The following COL5A2 variants were observed in gnomAD, a reference collection of about 807,000 sequenced individuals.
The protein encoded by COL5A2 is collagen type V alpha 2 chain.
In COL5A2, 23 loss-of-function variants were observed where a neutral mutation model predicts 208.2. The ratio of observed to expected loss-of-function variants is 0.11; its 90% confidence interval spans 0.08 to 0.16. The LOEUF (loss-of-function observed/expected upper bound fraction) is 0.16. Ranked by LOEUF, COL5A2 falls within the 10% of genes least tolerant of loss-of-function variation. COL5A2 has a pLI of 1.00. For synonymous variants in COL5A2, 625 were observed against 628.5 expected (o/e 0.99, Z 0.08); for missense variants, 1,590 against 1,956.4 (o/e 0.81, Z 3.53).
chr2:189,269,949 T>A, the COL5A2 span, among the ~76,000 whole-genome samples: 2 of 152,224 alleles, frequency 1.3e-5, no homozygotes, highest in African/African-American at 4.8e-5. Flanking sequence ...AACTTCTTCC[T>A]GGTTTAGACT....
At chr2:189,400,566 A>C in the COL5A2 span, among the ~76,000 whole-genome samples, 10 of 152,306 alleles carry the variant, frequency 6.6e-5, no homozygotes, top group Admixed American at 2.0e-4. Context: ...TGTTAACAGA[A>C]GTATCTGGAT....
At chr2:189,339,754 C>T in the COL5A2 span, among the ~76,000 whole-genome samples, 56 of 152,250 alleles carry the variant, frequency 3.7e-4, 1 homozygote, top group African/African-American at 1.2e-3. Context: ...TAGGCAATCA[C>T]GACAGGTGTG....
chr2:189,143,157 A>G (rs566518492), intron 1 of COL5A2, among the ~76,000 whole-genome samples: 1 of 152,200 alleles, frequency 6.6e-6, no homozygotes, highest in Non-Finnish European at 1.5e-5. Context: ...GGGCTGTTGT[A>G]TATTGTTTGC....
intron 23 of COL5A2, among the ~76,000 whole-genome samples, chr2:189,065,506 A>G (rs1417964167): frequency 6.6e-6 from 1 of 152,028 alleles, no homozygotes; most frequent in Non-Finnish European, 1.5e-5. Context: ...TCCAGCCTGG[A>G]CAACACAGCA....
At chr2:189,217,009 GACA>G (rs1689287597) in intron 1 of COL5A2, among the ~76,000 whole-genome samples, 1 of 152,016 alleles carries the variant, frequency 6.6e-6, no homozygotes, top group South Asian at 2.1e-4. Context: ...GGGGGAAAGT[GACA>G]ACAAGCATCG....
intron 18 of COL5A2, among the ~76,000 whole-genome samples, chr2:189,071,550 G>A (rs1686274502): frequency 6.6e-6 from 1 of 152,102 alleles, no homozygotes; most frequent in Non-Finnish European, 1.5e-5. Context: ...CTCCTTTAAT[G>A]GCTTCATAGA....
chr2:189,231,491 T>C, the COL5A2 span, among the ~76,000 whole-genome samples: 2 of 151,638 alleles, frequency 1.3e-5, no homozygotes, highest in Non-Finnish European at 2.9e-5. Flanking sequence ...TCTCTAAAAA[T>C]GTTTTACACT....
intron 1 of COL5A2, among the ~76,000 whole-genome samples, chr2:189,207,348 T>A (rs1324186185): frequency 6.6e-6 from 1 of 152,188 alleles, no homozygotes; most frequent in Non-Finnish European, 1.5e-5. Flanking sequence ...CAAAATTATG[T>A]CAAAAATAAC....
intron 1 of COL5A2, among the ~76,000 whole-genome samples, chr2:189,216,777 A>C (rs2105873885): frequency 6.6e-6 from 1 of 152,284 alleles, no homozygotes; most frequent in East Asian, 1.9e-4. Flanking sequence ...TAACTAAATA[A>C]GTTTAATAAC....
chr2:189,222,820 C>T (rs938341773), intron 1 of COL5A2, among the ~76,000 whole-genome samples: 2 of 152,116 alleles, frequency 1.3e-5, no homozygotes, highest in Non-Finnish European at 2.9e-5. Context: ...AACAGTATAA[C>T]TCTGTTACAG....
chr2:189,396,671 T>TA, the COL5A2 span, among the ~76,000 whole-genome samples: 209 of 102,386 alleles, frequency 2.0e-3, 1 homozygote, highest in African/African-American at 7.7e-3. Context: ...AAGACTCCAT[T>TA]AAAAAAAAAA....
the COL5A2 span, among the ~76,000 whole-genome samples, chr2:189,388,601 T>C: frequency 6.6e-6 from 1 of 152,188 alleles, no homozygotes; most frequent in African/African-American, 2.4e-5. Flanking sequence ...AGTGTGACAT[T>C]GTGTGATTTG....
the COL5A2 span, among the ~76,000 whole-genome samples, chr2:189,416,883 G>T: frequency 1.3e-4 from 20 of 151,872 alleles, no homozygotes; most frequent in Admixed American, 1.1e-3. Flanking sequence ...GTTGTTTAGG[G>T]GACTTTTGTT....
At chr2:189,138,937 T>C (rs1687878647) in intron 1 of COL5A2, among the ~76,000 whole-genome samples, 1 of 152,190 alleles carries the variant, frequency 6.6e-6, no homozygotes, top group South Asian at 2.1e-4. Flanking sequence ...CTATGCAGAA[T>C]TGCAAATGAT....
chr2:189,144,731 T>A (rs1688005572), intron 1 of COL5A2, among the ~76,000 whole-genome samples: 1 of 152,096 alleles, frequency 6.6e-6, no homozygotes, highest in African/African-American at 2.4e-5. Flanking sequence ...CCAGATGCAC[T>A]AACCAGTCAG....
intron 1 of COL5A2, among the ~76,000 whole-genome samples, chr2:189,115,167 A>G (rs897162364): frequency 7.2e-5 from 11 of 152,200 alleles, no homozygotes; most frequent in African/African-American, 2.2e-4. Flanking sequence ...TTATCTGATC[A>G]CATTTTATTT....
rs141206016 is a variant in COL5A2, at chr2:189,036,644, T to C, written c.4085A>G (p.Tyr1362Cys). 1.3e-5 allele frequency: 21 copies of C among 1,613,608 alleles called. No individual in the cohort carries two copies. Among genetic ancestry groups the C allele is most frequent in the Non-Finnish European group, 8.5e-7 (1 of 1,179,662 alleles). ...SKSPDNKPVWYGLDMNRGSQF... is the reference protein window; with the variant it reads ...SKSPDNKPVWCGLDMNRGSQF... ...AGACCCTCTGTTCATATCAAGACCA[T>C]ACCAAACAGGTTTATTGTCAGGAGA... is the stretch of plus-strand genomic sequence containing the variant. The change falls in exon 52 of 54, where the codon TAT becomes TGT. Residue 1362 changes from tyrosine to cysteine, a missense_variant. Physicochemically the swap from Tyr to Cys is radical, Grantham distance 194. Transcript: ENST00000374866.
Position 189,144,261 on chromosome 2 carries a change from GAC to G in COL5A2, c.98-33814_98-33813del, listed in dbSNP as rs1163320392. Among the ~76,000 whole-genome samples, 13 of 152,242 alleles carry G rather than the reference GAC, an allele frequency of 8.5e-5. No individual in the cohort carries two copies. In the East Asian group the frequency reaches 1.9e-3, roughly 23 times the overall value. On this transcript the variant is annotated intron_variant, in intron 1 of 53. Transcript: ENST00000374866. ...GAAAGAGAAAAAAAAGGTACAGTTTGACACACAGTTTCAGTAAACAAGTACAT... is the reference window on the plus strand; with the variant it reads ...GAAAGAGAAAAAAAAGGTACAGTTTGACACAGTTTCAGTAAACAAGTACAT...
intron 1 of COL5A2, among the ~76,000 whole-genome samples, chr2:189,221,325 A>G (rs1312232866): frequency 1.3e-5 from 2 of 152,184 alleles, no homozygotes; most frequent in African/African-American, 4.8e-5. Context: ...TATCTTAAAT[A>G]GCTGAGGAAG....
Sources: gnomAD v4.1 joint callset for allele counts (sites outside exome capture counted in the v4.1 genomes callset) on GRCh38, gnomAD v4.1.1 for gene constraint, MANE v1.5 for transcripts, NCBI Gene and HGNC (gene_info 2026-07-23, HGNC 2026-07-21) for gene names.